PRR16: variants seen among roughly 807,000 people sequenced by gnomAD.
The protein encoded by PRR16 is protein Largen.
In PRR16, 6 loss-of-function variants were observed where a neutral mutation model predicts 18.2. The ratio of observed to expected loss-of-function variants is 0.33; its 90% CI spans 0.18 to 0.65. PRR16 has a LOEUF of 0.65. PRR16 is among the 30% of genes least tolerant of loss of function. The pLI is 0.74. For missense variants in PRR16, 412 were observed against 376.6 expected (o/e 1.09, Z -0.78); for synonymous variants, 151 against 147.8 (o/e 1.02, Z -0.16).
intron 1 of PRR16, among the ~76,000 whole-genome samples, chr5:120,484,337 T>A: frequency 1.1e-5 from 1 of 94,126 alleles, no homozygotes; most frequent in East Asian, 2.8e-4. Context: ...TATAAATGTA[T>A]ATACTTTGTA....
rs1411931362 is a variant in PRR16 at position 120,472,198 on chromosome 5, C to G, written c.159+7553C>G. Among the ~76,000 whole-genome samples, 9 of 152,108 alleles carry G rather than the reference C, an allele frequency of 5.9e-5. No homozygotes were observed. In the East Asian group the frequency reaches 1.7e-3, roughly 29 times the overall value. On this transcript the variant is annotated intron_variant, in intron 1 of 1. Transcript: ENST00000407149. The stretch of plus-strand genomic sequence containing the variant: ...TGGGACACTATAAATAGATTTTCAA[C>G]TACAGATAACATATGTTATCCTTGT...
intron 1 of PRR16, among the ~76,000 whole-genome samples, chr5:120,588,316 A>G (rs1219326777): frequency 2.0e-5 from 3 of 152,166 alleles, no homozygotes; most frequent in Non-Finnish European, 4.4e-5. Context: ...AAGAAATTCT[A>G]CTGTGTGTAA....
chr5:120,600,883 G>C (rs936805806), intron 1 of PRR16, among the ~76,000 whole-genome samples: 1 of 151,958 alleles, frequency 6.6e-6, no homozygotes, highest in African/African-American at 2.4e-5. Context: ...GCTTGCATCC[G>C]TGTTGCATCA....
At chr5:120,544,454 A>G (rs1752012186) in intron 1 of PRR16, among the ~76,000 whole-genome samples, 1 of 152,236 alleles carries the variant, frequency 6.6e-6, no homozygotes, top group Admixed American at 6.5e-5. Flanking sequence ...TCATTCCAAC[A>G]TTAAGCAATG....
chr5:120,654,771 T>A (rs1232125420), intron 1 of PRR16, among the ~76,000 whole-genome samples: 1 of 151,860 alleles, frequency 6.6e-6, no homozygotes, highest in Non-Finnish European at 1.5e-5. Context: ...ATTATGACCA[T>A]GTTTAAAACT....
chr5:120,603,290 A>C lies in PRR16; in HGVS notation c.160-82664A>C, dbSNP rs77765171. 7.9e-5 allele frequency among the ~76,000 whole-genome samples: 12 copies of C among 152,004 alleles called. No homozygotes were observed. The East Asian group carries it at 2.3e-3, about 29-fold the overall frequency. Reference sequence around the variant, plus strand: ...GAGTTTGTTCCTGTTTTAATCTTGGAAGGTTGTATGTTTATAGAAATTTAT... The same window carrying C: ...GAGTTTGTTCCTGTTTTAATCTTGGCAGGTTGTATGTTTATAGAAATTTAT... On this transcript the variant is annotated intron_variant, in intron 1 of 1. Transcript: ENST00000407149.
At chr5:120,707,936 G>A in the PRR16 span, among the ~76,000 whole-genome samples, 1 of 152,118 alleles carries the variant, frequency 6.6e-6, no homozygotes, top group Non-Finnish European at 1.5e-5. Flanking sequence ...TAAACCAATG[G>A]CCTGGTGAGA....
intron 1 of PRR16, among the ~76,000 whole-genome samples, chr5:120,506,458 A>C (rs1750649112): frequency 6.6e-6 from 1 of 152,166 alleles, no homozygotes; most frequent in East Asian, 1.9e-4. Flanking sequence ...TGTATCAGTT[A>C]GTACTGTATT....
At chr5:120,655,919 C>T (rs1231604999) in intron 1 of PRR16, among the ~76,000 whole-genome samples, 1 of 151,736 alleles carries the variant, frequency 6.6e-6, no homozygotes, top group Admixed American at 6.6e-5. Context: ...GTTCCAGCCA[C>T]CAGAAGATCC....
Position 120,686,467 on chromosome 5 carries a change from A to G in PRR16, c.673A>G (p.Asn225Asp), listed in dbSNP as rs1274155018. 1 of 1,614,124 alleles carries G rather than the reference A, an allele frequency of 6.2e-7. No individual in the cohort carries two copies. ...TTGTCCTGACTGTGATACCCGGTATAACATAAAAAACAGGGAGGTCCACTT... is the reference window on the plus strand; with the variant it reads ...TTGTCCTGACTGTGATACCCGGTATGACATAAAAAACAGGGAGGTCCACTT... Reference protein sequence around the residue: ...GYCPDCDTRYNIKNREVHLHS... With the variant: ...GYCPDCDTRYDIKNREVHLHS... The change falls in exon 2 of 2, where the codon AAC becomes GAC. Residue 225 changes from asparagine (N) to aspartate (D), a missense_variant. Asn to Asp is a conservative substitution (Grantham distance 23, BLOSUM62 1). Coordinates refer to ENST00000407149, the MANE Select transcript of PRR16 (RefSeq NM_001300783.2).
At chr5:120,475,768 C>A (rs1749421886) in intron 1 of PRR16, among the ~76,000 whole-genome samples, 1 of 152,186 alleles carries the variant, frequency 6.6e-6, no homozygotes, top group Middle Eastern at 3.4e-3. Flanking sequence ...AAAAATATTT[C>A]TTTTATTGCC....
chr5:120,464,430 C>A lies in PRR16; in HGVS notation c.-57C>A. The stretch of plus-strand genomic sequence containing the variant: ...GCCGTAGCAGCGCCAGGGACGGGGG[C>A]ACGCAGCAGCCTCCGCTCGCCCGCC... On this transcript the variant is annotated 5_prime_UTR_variant, in exon 1 of 2. Transcript: ENST00000407149. 4.0e-6 allele frequency: 6 copies of A among 1,497,412 alleles called. No individual in the cohort carries two copies. Among genetic ancestry groups the A allele is most frequent in the Non-Finnish European group, 5.3e-6 (6 of 1,122,570 alleles). 92.8% of individuals were successfully genotyped at this position (1,497,412 alleles called of 1,614,324 possible). A position where few individuals can be genotyped will look rare whatever the true frequency, so the allele number is the denominator to read the frequency against.
chr5:120,561,567 T>G (rs1444880399), intron 1 of PRR16, among the ~76,000 whole-genome samples: 2 of 152,174 alleles, frequency 1.3e-5, no homozygotes, highest in Admixed American at 6.5e-5. Context: ...ACCCATATGC[T>G]GAAGAAAAGA....
At chr5:120,659,322 C>T (rs1159298020) in intron 1 of PRR16, among the ~76,000 whole-genome samples, 4 of 151,762 alleles carry the variant, frequency 2.6e-5, no homozygotes, top group Non-Finnish European at 5.9e-5. Context: ...TTTCTTGGTT[C>T]CTTGAGAGTT....
chr5:120,644,481 A>G (rs1289611233), intron 1 of PRR16, among the ~76,000 whole-genome samples: 1 of 152,116 alleles, frequency 6.6e-6, no homozygotes, highest in Admixed American at 6.6e-5. Context: ...TATTGGGAAG[A>G]TACATGGTGA....
chr5:120,651,841 A>G (rs1350854663), intron 1 of PRR16, among the ~76,000 whole-genome samples: 1 of 152,052 alleles, frequency 6.6e-6, no homozygotes, highest in Non-Finnish European at 1.5e-5. Context: ...TGAACTTTAA[A>G]GTAGTTTTTT....
At chr5:120,751,211 C>G in the PRR16 span, among the ~76,000 whole-genome samples, 12 of 152,104 alleles carry the variant, frequency 7.9e-5, no homozygotes, top group Non-Finnish European at 1.8e-4. Context: ...TAGGTAATTT[C>G]ATATTTTGGC....
intron 1 of PRR16, among the ~76,000 whole-genome samples, chr5:120,647,474 A>C (rs1755638982): frequency 6.6e-6 from 1 of 152,062 alleles, no homozygotes; most frequent in African/African-American, 2.4e-5. Context: ...TATTCTTGCA[A>C]CTAGAGTTAA....
intron 1 of PRR16, chr5:120,481,026 C>T (rs1749593420): frequency 1.1e-6 from 1 of 888,140 alleles, no homozygotes; most frequent in East Asian, 9.1e-5. Context: ...TTAGCATTGA[C>T]TTGAAGTATT....
Sources: gnomAD v4.1 joint callset for allele counts (sites outside exome capture counted in the v4.1 genomes callset) on GRCh38, gnomAD v4.1.1 for gene constraint, MANE v1.5 for transcripts, NCBI Gene and HGNC (gene_info 2026-07-23, HGNC 2026-07-21) for gene names.